The following AKAP6 variants were observed in gnomAD, a reference collection of about 807,000 sequenced individuals.
AKAP6 encodes A-kinase anchor protein 6.
AKAP6 carries 58 observed loss-of-function variants against 188.5 expected under a neutral mutation model. The ratio of observed to expected loss-of-function variants is 0.31; its 90% CI spans 0.25 to 0.38. AKAP6 has a LOEUF of 0.38. Ranked by LOEUF, AKAP6 falls within the 10% of genes least tolerant of loss-of-function variation. The pLI, the probability that AKAP6 is intolerant of heterozygous loss-of-function variation, is 1.00. For missense variants in AKAP6, 2,710 were observed against 2,740.0 expected, an observed-to-expected ratio of 0.99 and a Z score of 0.24; for synonymous variants, 989 against 998.6, an observed-to-expected ratio of 0.99 and a Z score of 0.18.
rs779196858 is a variant in AKAP6, at chr14:32,824,009, A to G, written c.6196A>G (p.Met2066Val). The G allele has an allele frequency of 4.3e-6, 7 of 1,613,828 alleles. No individual in the cohort carries two copies. Among genetic ancestry groups the G allele is most frequent in the Admixed American group, 1.7e-5 (1 of 59,912 alleles). Reference protein sequence around the residue: ...VHNFVKEIIDMASTALKSKSQ... With the variant: ...VHNFVKEIIDVASTALKSKSQ... ...CAACTTTGTTAAGGAAATCATTGAC[A>G]TGGCTTCGACAGCCCTAAAAAGTAA... The change falls in exon 13 of 14, where the codon ATG (methionine) becomes GTG (valine). Residue 2066 changes from methionine to valine, a missense_variant. By Grantham distance (21) the Met-to-Val change is conservative. Coordinates refer to ENST00000280979, the MANE Select transcript of AKAP6 (RefSeq NM_004274.5).
intron 7 of AKAP6, among the ~76,000 whole-genome samples, chr14:32,636,368 G>A (rs1194065935): frequency 1.3e-5 from 2 of 152,142 alleles, no homozygotes; most frequent in Non-Finnish European, 2.9e-5. Context: ...TTAGGTGTAT[G>A]ATAGATTTTG....
intron 2 of AKAP6, among the ~76,000 whole-genome samples, chr14:32,528,216 C>T (rs1447940526): frequency 6.6e-6 from 1 of 151,978 alleles, no homozygotes; most frequent in Admixed American, 6.6e-5. Context: ...AGAAGACTGT[C>T]TTTTCTCTAT....
At chr14:32,709,326 T>TG in intron 9 of AKAP6, among the ~76,000 whole-genome samples, 1 of 151,928 alleles carries the variant, frequency 6.6e-6, no homozygotes, top group African/African-American at 2.4e-5. Flanking sequence ...TTTTTTTTTT[T>TG]AATCTGAAGT....
intron 7 of AKAP6, among the ~76,000 whole-genome samples, chr14:32,641,484 A>AAAAAG (rs1187404612): frequency 2.6e-5 from 4 of 151,038 alleles, no homozygotes; most frequent in Non-Finnish European, 5.9e-5. Context: ...AAAAAAAAAA[A>AAAAAG]AAAAGAAAAG....
At chr14:32,505,343 CAGTG>C (rs893830651) in intron 2 of AKAP6, among the ~76,000 whole-genome samples, 52 of 151,652 alleles carry the variant, frequency 3.4e-4, no homozygotes, top group African/African-American at 1.2e-3. Context: ...TGCCTTGAAT[CAGTG>C]AGTTGGCCAA....
intron 5 of AKAP6, among the ~76,000 whole-genome samples, chr14:32,593,072 TCTGTGAGGG>T (rs761448007): frequency 7.2e-6 from 1 of 139,566 alleles, no homozygotes; most frequent in Non-Finnish European, 1.6e-5. Context: ...AGCTGTGAGC[TCTGTGAGGG>T]CAGGGACCAT....
chr14:32,618,621 T>C (rs1017178499), intron 7 of AKAP6, among the ~76,000 whole-genome samples: 1 of 152,238 alleles, frequency 6.6e-6, no homozygotes, highest in Admixed American at 6.5e-5. Context: ...GTTGGTTCCA[T>C]ATCTTTGCAA....
Position 32,568,697 on chromosome 14 carries a change from T to C in AKAP6, c.2347-8423T>C, listed in dbSNP as rs1041700235. On this transcript the variant is annotated intron_variant, in intron 4 of 13. Transcript: ENST00000280979. The surrounding 1 kb of genome is among the most constrained non-coding windows in gnomAD (Gnocchi z 6.2). ...GGGTCCCCAGCTTCATACCTGACAA[T>C]GTTGGGAGCTTGTAAAGTGTTTGAT... Among the ~76,000 whole-genome samples, 3 of 152,096 alleles carry C rather than the reference T, an allele frequency of 2.0e-5. No individual in the cohort carries two copies. The highest frequency in any genetic ancestry group is 4.8e-5 in the African/African-American group (2 of 41,422).
chr14:32,673,726 C>G (rs1237405977), intron 7 of AKAP6, among the ~76,000 whole-genome samples: 2 of 152,146 alleles, frequency 1.3e-5, no homozygotes, highest in Non-Finnish European at 2.9e-5. Flanking sequence ...TAGAGTGAGA[C>G]TCCATCTCAA....
At chr14:32,371,695 GA>G (rs1408685837) in intron 1 of AKAP6, among the ~76,000 whole-genome samples, 1 of 152,202 alleles carries the variant, frequency 6.6e-6, no homozygotes, top group Non-Finnish European at 1.5e-5. Flanking sequence ...AAAGCTTCAT[GA>G]AAAGGTGGGA....
At chr14:32,712,475 G>A (rs766133857) in intron 9 of AKAP6, among the ~76,000 whole-genome samples, 15 of 152,112 alleles carry the variant, frequency 9.9e-5, no homozygotes, top group African/African-American at 1.4e-4. Context: ...ATACAATGCC[G>A]TTTGATAGCA....
chr14:32,556,602 CAA>C (rs1883699469), intron 4 of AKAP6, among the ~76,000 whole-genome samples: 1 of 152,142 alleles, frequency 6.6e-6, no homozygotes, highest in Admixed American at 6.5e-5. Context: ...CTCAACCTCC[CAA>C]AGTGCTGGGA....
At chr14:32,703,467 A>G (rs1890695141) in intron 9 of AKAP6, among the ~76,000 whole-genome samples, 1 of 152,160 alleles carries the variant, frequency 6.6e-6, no homozygotes, top group African/African-American at 2.4e-5. Context: ...CAGAAAACAT[A>G]CTATTAATAA....
In AKAP6 at chr14:32,824,226, C is replaced by T. The variant is rs1479091138; in HGVS notation, c.6413C>T (p.Pro2138Leu). 7.4e-6 allele frequency: 12 copies of T among 1,613,838 alleles called. No homozygotes were observed. Among genetic ancestry groups the T allele is most frequent in the African/African-American group, 1.3e-5 (1 of 74,912 alleles). Residue 2138 changes from proline (P) to leucine (L), a missense_variant, in exon 13 of 14, where the codon CCA becomes CTA. Around this residue, in one of 2 missense-constraint regions of AKAP6, gnomAD observed 2,473 missense variants for 2,426.1 expected, o/e 1.02. Coordinates refer to ENST00000280979, the MANE Select transcript of AKAP6 (RefSeq NM_004274.5). ...YIEEKSSTPL[P>L]LDTTDSGLDD... ...GAAGAGAAAAGCAGCACTCCATTGC[C>T]ACTAGACACCACTGACTCGGGCTTA...
rs539549072 is a variant in AKAP6 at position 32,829,624 on chromosome 14, A to AG, written c.*43-224_*43-223insG. On this transcript the variant is annotated intron_variant, in intron 13 of 13. Coordinates refer to ENST00000280979, the MANE Select transcript of AKAP6 (RefSeq NM_004274.5). ...TTTGAAACCACGTCTTTTTAAAAAA[A>AG]AAAAAAAATCAATGTATTTTTCACA... 7.2e-5 allele frequency among the ~76,000 whole-genome samples: 11 copies of AG among 152,064 alleles called. No homozygotes were observed. In the East Asian group the frequency reaches 2.1e-3, roughly 29 times the overall value.
At chr14:32,624,201 G>A (rs2139429462) in intron 7 of AKAP6, among the ~76,000 whole-genome samples, 1 of 152,278 alleles carries the variant, frequency 6.6e-6, no homozygotes, top group Admixed American at 6.5e-5. Flanking sequence ...ATTGCTGAGA[G>A]TATTAGAAGA....
At chr14:32,367,483 C>T (rs1017223318) in intron 1 of AKAP6, among the ~76,000 whole-genome samples, 2 of 152,098 alleles carry the variant, frequency 1.3e-5, no homozygotes, top group African/African-American at 4.8e-5. Context: ...TTCTTTTCAC[C>T]TAGAATTAAA....
intron 11 of AKAP6, among the ~76,000 whole-genome samples, chr14:32,766,203 A>G (rs2032714402): frequency 6.6e-6 from 1 of 152,160 alleles, no homozygotes; most frequent in Non-Finnish European, 1.5e-5. Flanking sequence ...TCATTTTTAA[A>G]TGCCAAATAA....
At chr14:32,805,948 G>C (rs1474661247) in intron 12 of AKAP6, among the ~76,000 whole-genome samples, 1 of 152,222 alleles carries the variant, frequency 6.6e-6, no homozygotes, top group African/African-American at 2.4e-5. Flanking sequence ...GCCATGGTAT[G>C]AAGGCTATTT....
Sources: gnomAD v4.1 joint callset for allele counts (sites outside exome capture counted in the v4.1 genomes callset) on GRCh38, gnomAD v4.1.1 for gene constraint, gnomAD v4.1.1 regional missense constraint, Gnocchi (gnomAD v3.1) non-coding constraint, MANE v1.5 for transcripts, NCBI Gene and HGNC (gene_info 2026-07-23, HGNC 2026-07-21) for gene names.